Variants in EXOC4 observed in about 807,000 individuals in gnomAD.
The protein encoded by EXOC4 is SEC8-like 1.
In EXOC4, 71 loss-of-function variants were observed where a neutral mutation model predicts 107.2. The ratio of observed to expected loss-of-function variants is 0.66; its 90% CI spans 0.55 to 0.81. The LOEUF (loss-of-function observed/expected upper bound fraction) is 0.81, where lower values mean the gene tolerates loss of function less well. Ranked by LOEUF, EXOC4 falls within the 30% of genes least tolerant of loss-of-function variation. The pLI, the probability that EXOC4 is intolerant of heterozygous loss-of-function variation, is 0.00. For missense variants in EXOC4, 1,108 were observed against 1,189.6 expected (o/e 0.93, Z 1.01); for synonymous variants, 456 against 441.2 (o/e 1.03, Z -0.42).
chr7:133,567,499 A>C (rs967591143), intron 9 of EXOC4, among the ~76,000 whole-genome samples: 5 of 152,152 alleles, frequency 3.3e-5, no homozygotes, highest in Non-Finnish European at 5.9e-5. Context: ...CCATCCTTGC[A>C]TGCATGTGCT....
At chr7:133,774,705 A>G (rs1359280163) in intron 10 of EXOC4, among the ~76,000 whole-genome samples, 4 of 152,120 alleles carry the variant, frequency 2.6e-5, no homozygotes, top group African/African-American at 2.4e-5. Context: ...ACTTATGGAC[A>G]TTAGTTCTGA....
chr7:134,083,549 C>T, the EXOC4 span, among the ~76,000 whole-genome samples: 1 of 152,178 alleles, frequency 6.6e-6, no homozygotes, highest in African/African-American at 2.4e-5. Context: ...CTACCTGGGC[C>T]AGTCTGGAAC....
chr7:133,958,795 A>C (rs1187808435), intron 14 of EXOC4, among the ~76,000 whole-genome samples: 1 of 152,200 alleles, frequency 6.6e-6, no homozygotes, highest in Non-Finnish European at 1.5e-5. Flanking sequence ...GCAGCTGAGC[A>C]CTGGAGTTTT....
intron 9 of EXOC4, among the ~76,000 whole-genome samples, chr7:133,593,280 T>C (rs1242605051): frequency 6.6e-6 from 1 of 152,208 alleles, no homozygotes; most frequent in African/African-American, 2.4e-5. Flanking sequence ...TAAGGCAAGA[T>C]TGGAGATGCT....
chr7:133,533,138 T>C (rs1200711275), intron 9 of EXOC4, among the ~76,000 whole-genome samples: 1 of 152,128 alleles, frequency 6.6e-6, no homozygotes, highest in Non-Finnish European at 1.5e-5. Flanking sequence ...CTAAAATGTG[T>C]CTGGTTTATC....
chr7:134,084,709 T>TAAAAAAAAAAAAAAA, the EXOC4 span, among the ~76,000 whole-genome samples: 201 of 83,126 alleles, frequency 2.4e-3, 1 homozygote, highest in African/African-American at 9.8e-3. Flanking sequence ...GGTGCAGCCG[T>TAAAAAAAAAAAAAAA]AAAAAAAAAA....
chr7:133,384,020 C>T (rs1796673940), intron 7 of EXOC4, among the ~76,000 whole-genome samples: 1 of 152,130 alleles, frequency 6.6e-6, no homozygotes, highest in African/African-American at 2.4e-5. Flanking sequence ...GTTTCTGTAG[C>T]ACCAGGACTC....
intron 17 of EXOC4, among the ~76,000 whole-genome samples, chr7:134,043,470 C>A (rs1302092741): frequency 6.6e-6 from 1 of 152,188 alleles, no homozygotes; most frequent in Admixed American, 6.5e-5. Context: ...CCAATGTTTG[C>A]TTCACCACCA....
intron 13 of EXOC4, among the ~76,000 whole-genome samples, chr7:133,918,112 A>G (rs984495543): frequency 6.6e-6 from 1 of 150,900 alleles, no homozygotes; most frequent in Non-Finnish European, 1.5e-5. Context: ...CCTCCCAAGT[A>G]GCTGGGACTA....
chr7:133,336,417 CT>C (rs1795514157), intron 5 of EXOC4, among the ~76,000 whole-genome samples: 1 of 152,132 alleles, frequency 6.6e-6, no homozygotes, highest in African/African-American at 2.4e-5. Context: ...TTGCCAAATT[CT>C]CCCCCCAAAG....
intron 11 of EXOC4, among the ~76,000 whole-genome samples, chr7:133,828,356 G>T (rs79421615): frequency 0.04 from 6,063 of 152,220 alleles, 421 homozygotes; most frequent in African/African-American, 0.14. Flanking sequence ...ATGATAGTTA[G>T]CATTCTTGGG....
intron 7 of EXOC4, among the ~76,000 whole-genome samples, chr7:133,399,823 A>T (rs1797050270): frequency 6.6e-6 from 1 of 152,238 alleles, no homozygotes; most frequent in South Asian, 2.1e-4. Flanking sequence ...ATGTGTCCCA[A>T]GCAGGGAAGA....
chr7:133,327,401 A>AT (rs375018542), intron 5 of EXOC4, among the ~76,000 whole-genome samples: 17 of 151,958 alleles, frequency 1.1e-4, no homozygotes, highest in South Asian at 2.1e-4. Flanking sequence ...GGATTCATTG[A>AT]TTTTTTTTGA....
intron 9 of EXOC4, among the ~76,000 whole-genome samples, chr7:133,598,845 G>C (rs543358827): frequency 6.6e-6 from 1 of 152,022 alleles, no homozygotes; most frequent in African/African-American, 2.4e-5. Flanking sequence ...TTAGCTGGGC[G>C]TGGTGGCAGG....
At chr7:133,701,476 C>G (rs1263757621) in intron 10 of EXOC4, among the ~76,000 whole-genome samples, 1 of 152,088 alleles carries the variant, frequency 6.6e-6, no homozygotes, top group Admixed American at 6.5e-5. Context: ...GAGTGATTCC[C>G]CCATTATCCA....
intron 11 of EXOC4, among the ~76,000 whole-genome samples, chr7:133,821,924 A>T (rs1244842751): frequency 6.6e-6 from 1 of 152,208 alleles, no homozygotes; most frequent in African/African-American, 2.4e-5. Context: ...GTACCAGGAC[A>T]TGGCTGTGTT....
chr7:133,598,575 A>G (rs1801735885), intron 9 of EXOC4, among the ~76,000 whole-genome samples: 1 of 152,248 alleles, frequency 6.6e-6, no homozygotes, highest in South Asian at 2.1e-4. Flanking sequence ...TTGTGTCTAG[A>G]ACAACTAGGG....
chr7:134,072,273 A>T, the EXOC4 span, among the ~76,000 whole-genome samples: 4 of 152,194 alleles, frequency 2.6e-5, no homozygotes, highest in South Asian at 8.3e-4. Flanking sequence ...CCTGTAACAA[A>T]AGACAGATTA....
chr7:133,756,851 G>A (rs577132906), intron 10 of EXOC4, among the ~76,000 whole-genome samples: 1 of 152,180 alleles, frequency 6.6e-6, no homozygotes, highest in African/African-American at 2.4e-5. Flanking sequence ...TGACAAAAAT[G>A]AGTTCAATAT....
Sources: allele counts gnomAD v4.1 joint callset (sites outside exome capture counted in the v4.1 genomes callset), GRCh38; gene constraint gnomAD v4.1.1; transcripts MANE v1.5; gene names NCBI Gene and HGNC (gene_info 2026-07-23, HGNC 2026-07-21).